The following AXIN2 variants were observed in gnomAD, a reference collection of about 807,000 sequenced individuals.
The protein encoded by AXIN2 is axin-2.
AXIN2 carries 21 observed loss-of-function variants against 74.7 expected under a neutral mutation model. The ratio of observed to expected loss-of-function variants is 0.28; its 90% confidence interval spans 0.20 to 0.40. AXIN2 has a LOEUF of 0.40. Among genes scored for constraint, AXIN2 ranks in the 10% least tolerant of loss-of-function variants. The probability of loss-of-function intolerance (pLI) is 1.00; values close to 1 mark genes in which losing one functional copy is unlikely to be tolerated. For missense variants in AXIN2, 1,144 were observed against 1,111.1 expected (o/e 1.03, Z -0.42); for synonymous variants, 532 against 454.9 (o/e 1.17, Z -2.16).
At chr17:65,536,769 C>A in intron 7 of AXIN2, 100 bp downstream of exon 7, 1 of 1,535,150 alleles carries the variant, frequency 6.5e-7, no homozygotes, top group South Asian at 1.1e-5. Context: ...CAAATAGTCA[C>A]ATTTGTATTC....
In AXIN2 at chr17:65,536,545, C is replaced by T. The variant is rs968390172; in HGVS notation, c.1916G>A (p.Ser639Asn). The change falls in exon 8 of 11, where the codon AGC (serine) becomes AAC (asparagine). Residue 639 changes from serine to asparagine, a missense_variant. Ser to Asn is a conservative substitution (Grantham distance 46). This residue lies in a region of AXIN2 where 1,053 missense variants were observed against 973.5 expected (regional missense o/e 1.08). Transcript: ENST00000307078. ...CTCCAAGGGGTAGGCCTTTTTTGTG[C>T]TTTGGGCACTAAACAAGGAATGAGC... ...QSKPKPHSAQ[S>N]TKKAYPLESA... 1.1e-5 allele frequency: 17 copies of T among 1,613,520 alleles called. No individual in the cohort carries two copies. Among genetic ancestry groups the T allele is most frequent in the Non-Finnish European group, 1.4e-5 (16 of 1,179,996 alleles).
intron 10 of AXIN2, among the ~76,000 whole-genome samples, chr17:65,531,464 G>A (rs1381354638): frequency 6.6e-6 from 1 of 151,780 alleles, no homozygotes; most frequent in Admixed American, 6.6e-5. Context: ...ATGGGGAGGG[G>A]CTCTGTGCAC....
At chr17:65,561,008 G>C (rs1441192562) in intron 1 of AXIN2, 2 of 148,710 alleles carry the variant, frequency 1.3e-5, no homozygotes, top group Non-Finnish European at 3.0e-5. Context: ...CCCGGGTTCA[G>C]AGCGAAAGCC....
Position 65,557,878 on chromosome 17 carries a change from A to C in AXIN2, c.743T>G (p.Val248Gly), listed in dbSNP as rs1555583211. 2 of 1,614,084 alleles carry C rather than the reference A, an allele frequency of 1.2e-6. No individual in the cohort carries two copies. Among genetic ancestry groups the C allele is most frequent in the Non-Finnish European group, 1.7e-6 (2 of 1,180,046 alleles). The change falls in exon 2 of 11, where the codon GTT (valine) becomes GGT (glycine). Residue 248 changes from valine to glycine, a missense_variant. Transcript: ENST00000307078. ...DFKCKLSPTVVGLSSKTLRAT... is the reference protein window; with the variant it reads ...DFKCKLSPTVGGLSSKTLRAT... ...CCTCAGAGTTTTGCTGGACAAGCCA[A>C]CCACGGTTGGCGAAAGTTTGCACTT...
At chr17:65,558,806 C>T (rs2044317412) in intron 1 of AXIN2, 70 bp from the exon 2 acceptor site, 1 of 638,692 alleles carries the variant, frequency 1.6e-6, no homozygotes, top group African/African-American at 1.8e-5. Context: ...ACCAGATCTA[C>T]CCAACATCAA....
chr17:65,534,746 T>C (rs1053528150), intron 9 of AXIN2, among the ~76,000 whole-genome samples: 2 of 151,954 alleles, frequency 1.3e-5, no homozygotes, highest in Non-Finnish European at 2.9e-5. Flanking sequence ...TTGGCCAACA[T>C]GGCGAAACCC....
intron 3 of AXIN2, among the ~76,000 whole-genome samples, chr17:65,547,658 C>T (rs564606999): frequency 1.3e-5 from 2 of 152,196 alleles, no homozygotes; most frequent in Non-Finnish European, 2.9e-5. Context: ...TATCGTCTGA[C>T]GTAAACTGCA....
intron 2 of AXIN2, among the ~76,000 whole-genome samples, chr17:65,551,203 GATGGGACTA>G (rs1294056190): frequency 2.6e-5 from 4 of 152,034 alleles, no homozygotes; most frequent in African/African-American, 9.7e-5. Flanking sequence ...AGATGGGACT[GATGGGACTA>G]ATGGGACTAA....
At chr17:65,530,968 C>T (rs1223831491) in intron 10 of AXIN2, among the ~76,000 whole-genome samples, 1 of 152,222 alleles carries the variant, frequency 6.6e-6, no homozygotes, top group Admixed American at 6.5e-5. Flanking sequence ...TTGGGCCAGG[C>T]CCACCCCTAA....
Position 65,558,704 on chromosome 17 carries a change from T to A in AXIN2, c.-84A>T. ...AATCGGCGTGGTCTCTCTGTCTCTC[T>A]CAAGTCAGCAGGGGCTCATCTGAAC... On this transcript the variant is annotated 5_prime_UTR_variant, in exon 2 of 11. Coordinates refer to ENST00000307078, the MANE Select transcript of AXIN2 (RefSeq NM_004655.4). 1 of 1,405,020 alleles carries A rather than the reference T, an allele frequency of 7.1e-7. No homozygotes were observed. The highest frequency in any genetic ancestry group is 9.7e-7 in the Non-Finnish European group (1 of 1,026,656). The allele number at this position is 1,405,020 out of a possible 1,614,324, so 87.0% of individuals were successfully genotyped here. A position where few individuals can be genotyped will look rare whatever the true frequency, so the allele number is the denominator to read the frequency against.
In AXIN2 at chr17:65,538,667, C is replaced by CAAAAAAAAAAAAAAAAAAAAAAAAAA. The variant is rs775428814; in HGVS notation, c.1060-350_1060-325dup. Among the ~76,000 whole-genome samples the CAAAAAAAAAAAAAAAAAAAAAAAAAA allele has an allele frequency of 1.3e-3, 48 of 35,828 alleles. 24 individuals carry two copies. Among genetic ancestry groups the CAAAAAAAAAAAAAAAAAAAAAAAAAA allele is most frequent in the Non-Finnish European group, 1.9e-3 (38 of 20,322 alleles). 23.5% of individuals were successfully genotyped at this position (35,828 alleles called of 152,430 possible). A position where few individuals can be genotyped will look rare whatever the true frequency, so the allele number is the denominator to read the frequency against. On this transcript the variant is annotated intron_variant, in intron 4 of 10. Coordinates refer to ENST00000307078, the MANE Select transcript of AXIN2 (RefSeq NM_004655.4). The stretch of plus-strand genomic sequence containing the variant: ...ATCTTCAAAGACTGTTGTCAACCAT[C>CAAAAAAAAAAAAAAAAAAAAAAAAAA]AAAAAAAAAAAAAAAAAAAAAAAAA...
rs1555578002 is a variant in AXIN2, at chr17:65,537,725, C to T, written c.1311G>A (p.Thr437=). ...PSGSYEEDPQ[T]ILDDHLSRVL... is the part of the protein sequence containing the mutation. ...CCCTGGACAGGTGATCGTCCAGTATCGTCTGCGGGTCTTCCTCGTAGCTGC... is the reference window on the plus strand; with the variant it reads ...CCCTGGACAGGTGATCGTCCAGTATTGTCTGCGGGTCTTCCTCGTAGCTGC... The change falls in exon 6 of 11, where the codon ACG becomes ACA. Residue 437 remains threonine, a synonymous_variant. Coordinates refer to ENST00000307078, the MANE Select transcript of AXIN2 (RefSeq NM_004655.4). 1.9e-6 allele frequency: 3 copies of T among 1,562,004 alleles called. No individual in the cohort carries two copies. The highest frequency in any genetic ancestry group is 2.6e-6 in the Non-Finnish European group (3 of 1,153,188).
At chr17:65,532,525 C>T (rs1259901127) in intron 10 of AXIN2, among the ~76,000 whole-genome samples, 2 of 152,220 alleles carry the variant, frequency 1.3e-5, no homozygotes, top group African/African-American at 4.8e-5. Flanking sequence ...CAGCAACACG[C>T]CCTGCTGGCC....
At chr17:65,543,808 G>C (rs1050688581) in intron 3 of AXIN2, among the ~76,000 whole-genome samples, 5 of 152,184 alleles carry the variant, frequency 3.3e-5, no homozygotes, top group African/African-American at 1.2e-4. Context: ...GAAATTTGTG[G>C]AATTTTCTGG....
At chr17:65,558,859 C>A (rs1021620807) in intron 1 of AXIN2, 123 bp from the exon 2 acceptor site, 2 of 573,600 alleles carry the variant, frequency 3.5e-6, no homozygotes, top group South Asian at 4.4e-5. Context: ...AAATTCAAAT[C>A]AAGCAACCCA....
At chr17:65,560,957 G>A (rs1489788776) in intron 1 of AXIN2, 1 of 148,544 alleles carries the variant, frequency 6.7e-6, no homozygotes, top group African/African-American at 2.4e-5. Context: ...GGGGAACATG[G>A]GGAGTCGTGC....
At position 65,538,482 on chromosome 17, in the gene AXIN2, G is replaced by C; in HGVS notation, c.1060-139C>G. 3 of 1,142,496 alleles carry C rather than the reference G, an allele frequency of 2.6e-6. No individual in the cohort carries two copies. The South Asian group carries it at 4.6e-5, about 17-fold the overall frequency. The allele number at this position is 1,142,496 out of a possible 1,614,324, so 70.8% of individuals were successfully genotyped here. ...TAGAGTGGATGGCAAGGCGGCCTGG[G>C]CTGCTCGGGACTTTTATGCGCTAGC... On this transcript the variant is annotated intron_variant, in intron 4 of 10. Coordinates refer to ENST00000307078, the MANE Select transcript of AXIN2 (RefSeq NM_004655.4).
intron 10 of AXIN2, among the ~76,000 whole-genome samples, chr17:65,532,917 C>T (rs140031789): frequency 6.6e-6 from 1 of 152,330 alleles, no homozygotes; most frequent in Non-Finnish European, 1.5e-5. Flanking sequence ...CCTGTCTCAC[C>T]CTTGTCCCAG....
At chr17:65,557,745 C>T in intron 2 of AXIN2, 61 bp downstream of exon 2, 2 of 1,543,692 alleles carry the variant, frequency 1.3e-6, no homozygotes, top group African/African-American at 1.4e-5. Flanking sequence ...ACCCATCCAC[C>T]ATACTTAAAA....
Sources: gnomAD v4.1 joint callset for allele counts (sites outside exome capture counted in the v4.1 genomes callset) on GRCh38, gnomAD v4.1.1 for gene constraint, gnomAD v4.1.1 regional missense constraint, MANE v1.5 for transcripts, NCBI Gene and HGNC (gene_info 2026-07-23, HGNC 2026-07-21) for gene names.